Variants in B3GAT1 observed in about 807,000 individuals in gnomAD.
B3GAT1 encodes beta-1,3-glucuronyltransferase 1.
A neutral mutation model predicts 28.4 loss-of-function variants in B3GAT1; 11 were observed. The ratio of observed to expected loss-of-function variants is 0.39; its 90% confidence interval spans 0.24 to 0.64. B3GAT1 has a LOEUF of 0.64. B3GAT1 is among the 30% of genes least tolerant of loss of function. The probability of loss-of-function intolerance (pLI) is 0.50; values close to 1 mark genes in which losing one functional copy is unlikely to be tolerated. For synonymous variants in B3GAT1, 255 were observed against 223.1 expected (o/e 1.14, Z -1.27); for missense variants, 375 against 491.0 (o/e 0.76, Z 2.23).
At chr11:134,403,983 T>TTATATATATATA (rs55794505) in intron 1 of B3GAT1, among the ~76,000 whole-genome samples, 19 of 40,666 alleles carry the variant, frequency 4.7e-4, no homozygotes, top group South Asian at 1.1e-3. Flanking sequence ...GTTTCTTTCT[T>TTATATATATATA]TATATATATA....
At chr11:134,382,317 G>GTA (rs1260780948) in intron 4 of B3GAT1, among the ~76,000 whole-genome samples, 1 of 152,090 alleles carries the variant, frequency 6.6e-6, no homozygotes, top group Non-Finnish European at 1.5e-5. Flanking sequence ...GTGTGTGTGT[G>GTA]TGCATACGTA....
Position 134,405,850 on chromosome 11 carries a change from C to T in B3GAT1, c.-282+5957G>A, listed in dbSNP as rs139028404. ...CTGGCAGCCAGGTAGCCTGGGGTGTCCAGCACCAGCCTGGCTACCAATGGC... is the reference window on the plus strand; with the variant it reads ...CTGGCAGCCAGGTAGCCTGGGGTGTTCAGCACCAGCCTGGCTACCAATGGC... On this transcript the variant is annotated intron_variant, in intron 1 of 5. Transcript: ENST00000312527. Among the ~76,000 whole-genome samples, 66 of 152,318 alleles carry T rather than the reference C, an allele frequency of 4.3e-4. No individual in the cohort carries two copies. In the East Asian group the frequency reaches 0.012, roughly 29 times the overall value.
chr11:134,383,793 G>A lies in B3GAT1; in HGVS notation c.508C>T (p.Arg170Cys). ...CGCAGCCAGCGCAGGGCCAGGTTGC[G>A]CTGCATGGTGCCCCGCGGGATGCGT... ...DPRIPRGTMQ[R>C]NLALRWLRET... is the part of the protein sequence containing the mutation. Residue 170 changes from arginine to cysteine, a missense_variant, in exon 3 of 6, where the codon CGC becomes TGC. Transcript: ENST00000312527. 6.3e-7 allele frequency: 1 copy of A among 1,596,754 alleles called. No homozygotes were observed.
At position 134,411,670 on chromosome 11, in the gene B3GAT1, G is replaced by GCGCACACACA. The variant is rs1466472937; in HGVS notation, c.-282+136_-282+137insTGTGTGTGCG. On this transcript the variant is annotated intron_variant, in intron 1 of 5. Coordinates refer to ENST00000312527, the MANE Select transcript of B3GAT1 (RefSeq NM_054025.3). This position sits in a 1 kb window ranked among gnomAD's most constrained non-coding sequence, Gnocchi z 6.0. The stretch of plus-strand genomic sequence containing the variant: ...TCCAGCTGCCCCCAGCGCGCGCAGC[G>GCGCACACACA]CACACACACACACACACACACACAC... 1 of 144,640 alleles carries GCGCACACACA rather than the reference G, an allele frequency of 6.9e-6. No homozygotes were observed. Among genetic ancestry groups the GCGCACACACA allele is most frequent in the African/African-American group, 2.5e-5 (1 of 39,582 alleles). The allele number at this position is 144,640 out of a possible 1,614,324, so 9.0% of individuals were successfully genotyped here.
At chr11:134,383,089 A>AG in intron 3 of B3GAT1, 83 bp from the exon 4 acceptor site, 1 of 1,418,860 alleles carries the variant, frequency 7.0e-7, no homozygotes, top group Non-Finnish European at 9.4e-7. Flanking sequence ...GACATCCTTC[A>AG]GCCACCTCTA....
chr11:134,388,037 T>G (rs1591637910), intron 1 of B3GAT1, 97 bp from the exon 2 acceptor site: 1 of 445,280 alleles, frequency 2.2e-6, no homozygotes. Flanking sequence ...GCATCGGGGG[T>G]TCCACAATGG....
rs1351773056 is a variant in B3GAT1, at chr11:134,405,276, G to GGACC, written c.-282+6527_-282+6530dup. Among the ~76,000 whole-genome samples, 15 of 152,102 alleles carry GGACC rather than the reference G, an allele frequency of 9.9e-5. No homozygotes were observed. In the East Asian group the frequency reaches 2.5e-3, roughly 25 times the overall value. On this transcript the variant is annotated intron_variant, in intron 1 of 5. Coordinates refer to ENST00000312527, the MANE Select transcript of B3GAT1 (RefSeq NM_054025.3). ...TAGGCTTCGGAAGACGCCCCCAAGG[G>GGACC]GACCCCCCATCAGCTACGGGGACCC...
chr11:134,383,584 C>G (rs1310866000), intron 3 of B3GAT1, 96 bp downstream of exon 3: 3 of 1,414,354 alleles, frequency 2.1e-6, no homozygotes, highest in Non-Finnish European at 2.8e-6. Context: ...CCGGGTTCCC[C>G]CTGCGCGCGC....
intron 1 of B3GAT1, among the ~76,000 whole-genome samples, chr11:134,396,522 G>T (rs1271768826): frequency 6.6e-6 from 1 of 152,180 alleles, no homozygotes; most frequent in Non-Finnish European, 1.5e-5. Context: ...TTCTGCCTCT[G>T]CTACGGGATT....
At position 134,384,193 on chromosome 11, in the gene B3GAT1, G is replaced by A. The variant is rs1228965058; in HGVS notation, c.113-5C>T. The A allele has an allele frequency of 2.0e-6, 3 of 1,529,694 alleles. No homozygotes were observed. Among genetic ancestry groups the A allele is most frequent in the East Asian group, 4.6e-5 (2 of 43,900 alleles). The allele number at this position is 1,529,694 out of a possible 1,614,324, so 94.8% of individuals were successfully genotyped here. On this transcript the variant is annotated splice_region_variant and splice_polypyrimidine_tract_variant and intron_variant, in intron 2 of 5. Transcript: ENST00000312527. ...GTCGGGGGTCACTGCCCTCATCTGC[G>A]GAGTCGGGAGACCGGCGATGTGGGA...
intron 1 of B3GAT1, chr11:134,391,878 T>C (rs1334023279): frequency 6.6e-6 from 1 of 152,306 alleles, no homozygotes; most frequent in Non-Finnish European, 1.5e-5. Flanking sequence ...AAGCAAGCAC[T>C]TCCCTGTGGG....
At chr11:134,408,928 A>C (rs1944793688) in intron 1 of B3GAT1, among the ~76,000 whole-genome samples, 1 of 149,646 alleles carries the variant, frequency 6.7e-6, no homozygotes, top group South Asian at 2.1e-4. Context: ...GCCTCCACCT[A>C]TTCCAGTGGG....
chr11:134,396,887 G>A (rs1253236874), intron 1 of B3GAT1, among the ~76,000 whole-genome samples: 1 of 152,298 alleles, frequency 6.6e-6, no homozygotes, highest in East Asian at 1.9e-4. Flanking sequence ...ACACCAGCAC[G>A]AGGCCCCTGA....
intron 1 of B3GAT1, chr11:134,392,160 G>A (rs181050661): frequency 5.3e-4 from 81 of 152,458 alleles, no homozygotes; most frequent in African/African-American, 1.8e-3. Context: ...TAGGGCCAGA[G>A]GCGAGGCAAG....
At chr11:134,399,212 G>A (rs564681145) in intron 1 of B3GAT1, among the ~76,000 whole-genome samples, 2 of 152,272 alleles carry the variant, frequency 1.3e-5, no homozygotes, top group Admixed American at 1.3e-4. Flanking sequence ...GAGACAGGTG[G>A]GGTAGAATCA....
chr11:134,388,189 G>A, intron 1 of B3GAT1: 1 of 307,316 alleles, frequency 3.3e-6, no homozygotes, highest in South Asian at 2.9e-5. Context: ...AGCACAGACT[G>A]CAGAGACACC....
chr11:134,395,030 C>T (rs751799637), intron 1 of B3GAT1, among the ~76,000 whole-genome samples: 5 of 152,186 alleles, frequency 3.3e-5, no homozygotes, highest in African/African-American at 7.2e-5. Flanking sequence ...GAATCTCAAC[C>T]GAATACACTG....
intron 1 of B3GAT1, among the ~76,000 whole-genome samples, chr11:134,402,708 T>C (rs1944643569): frequency 6.6e-6 from 1 of 151,490 alleles, no homozygotes; most frequent in South Asian, 2.1e-4. Context: ...AGGTCAGGAG[T>C]TGGAGACCAG....
At chr11:134,407,032 C>CCCAAAACACCTGTGCAGGCTCAGG (rs1243349104) in intron 1 of B3GAT1, among the ~76,000 whole-genome samples, 1 of 152,230 alleles carries the variant, frequency 6.6e-6, no homozygotes, top group Non-Finnish European at 1.5e-5. Flanking sequence ...ACTTTCCGTG[C>CCCAAAACACCTGTGCAGGCTCAGG]TGCCGGGAAC....
Sources: gnomAD v4.1 joint callset for allele counts (sites outside exome capture counted in the v4.1 genomes callset) on GRCh38, gnomAD v4.1.1 for gene constraint, Gnocchi (gnomAD v3.1) non-coding constraint, MANE v1.5 for transcripts, NCBI Gene and HGNC (gene_info 2026-07-23, HGNC 2026-07-21) for gene names.